Variants in NBR1 observed in about 807,000 individuals in gnomAD.
The protein encoded by NBR1 is NBR1 autophagy cargo receptor.
A neutral mutation model predicts 115.5 loss-of-function variants in NBR1; 59 were observed. The ratio of observed to expected loss-of-function variants is 0.51; its 90% CI spans 0.41 to 0.63. The LOEUF is 0.63. Ranked by LOEUF, NBR1 falls within the 30% of genes least tolerant of loss-of-function variation. The pLI, the probability that NBR1 is intolerant of heterozygous loss-of-function variation, is 0.00. For missense variants in NBR1, 1,043 were observed against 1,150.5 expected (o/e 0.91, Z 1.35); for synonymous variants, 373 against 414.7 (o/e 0.90, Z 1.22).
Position 43,194,997 on chromosome 17 carries a change from A to G in NBR1, c.1708A>G (p.Ile570Val). The G allele has an allele frequency of 2.5e-6, 4 of 1,613,754 alleles. No homozygotes were observed. The highest frequency in any genetic ancestry group is 1.3e-5 in the African/African-American group (1 of 75,026). ...LLSFELLDIN[I>V]VQELERVPHN... is the part of the protein sequence containing the mutation. ...GTCCTTTGAGCTGTTGGATATAAAC[A>G]TTGTTCAAGAGTTGGAGAGAGTGCC... The change falls in exon 14 of 21, where the codon ATT (isoleucine) becomes GTT (valine). Residue 570 changes from isoleucine to valine, a missense_variant. Coordinates refer to ENST00000590996, the MANE Select transcript of NBR1 (RefSeq NM_005899.5).
rs146913860 is a variant in NBR1, at chr17:43,210,457, A to G, written c.*383A>G. 7 of 397,248 alleles carry G rather than the reference A, an allele frequency of 1.8e-5. No homozygotes were observed. Among genetic ancestry groups the G allele is most frequent in the African/African-American group, 1.2e-4 (6 of 48,712 alleles). The allele number at this position is 397,248 out of a possible 1,614,324, so 24.6% of individuals were successfully genotyped here. On this transcript the variant is annotated 3_prime_UTR_variant, in exon 21 of 21. Coordinates refer to ENST00000590996, the MANE Select transcript of NBR1 (RefSeq NM_005899.5). ...TATCTGTTAATTTTCAGGTTTTGAA[A>G]GACATTAACCTCGGAAGTTGTTTTT...
intron 12 of NBR1, 91 bp from the exon 13 acceptor site, chr17:43,194,259 C>T: frequency 2.6e-6 from 3 of 1,146,208 alleles, no homozygotes; most frequent in Non-Finnish European, 1.2e-6. Context: ...TATGGAGGTA[C>T]AGCAGCGTTT....
chr17:43,188,435 C>A lies in NBR1; in HGVS notation c.403-607C>A, dbSNP rs529291313. ...TGCCCGTTCACTCTGATGATAGTTT[C>A]TTTTGCTGTGCAGAAGCTCTTTAGT... On this transcript the variant is annotated intron_variant, in intron 6 of 20. Coordinates refer to ENST00000590996, the MANE Select transcript of NBR1 (RefSeq NM_005899.5). Among the ~76,000 whole-genome samples, 94 of 152,230 alleles carry A rather than the reference C, an allele frequency of 6.2e-4. 1 individual carries two copies. The highest frequency in any genetic ancestry group is 2.2e-3 in the African/African-American group (93 of 41,550).
At chr17:43,197,255 C>G (rs1598001744) in intron 16 of NBR1, 149 bp downstream of exon 16, 1 of 816,342 alleles carries the variant, frequency 1.2e-6, no homozygotes, top group Non-Finnish European at 1.9e-6. Flanking sequence ...CGTGGTGGCT[C>G]AAGCCTGTAA....
At chr17:43,187,886 C>CTT (rs66857389) in intron 6 of NBR1, among the ~76,000 whole-genome samples, 204 of 58,904 alleles carry the variant, frequency 3.5e-3, no homozygotes, top group African/African-American at 6.6e-3. Context: ...TTGCATTTCT[C>CTT]TTTTTTTTTT....
At chr17:43,193,022 C>A in intron 10 of NBR1, 72 bp from the exon 11 acceptor site, 2 of 1,475,888 alleles carry the variant, frequency 1.4e-6, no homozygotes, top group Non-Finnish European at 9.3e-7. Context: ...GTCAGACTCT[C>A]AAGCTAGTGT....
At chr17:43,202,541 ACTTC>A in intron 18 of NBR1, 110 bp from the exon 19 acceptor site, 2 of 612,182 alleles carry the variant, frequency 3.3e-6, no homozygotes, top group African/African-American at 1.9e-5. Context: ...AAAAAAAAAG[ACTTC>A]AAACACTGTG....
chr17:43,189,569 C>T lies in NBR1; in HGVS notation c.481-19C>T. 6.3e-7 allele frequency: 1 copy of T among 1,594,746 alleles called. No individual in the cohort carries two copies. The highest frequency in any genetic ancestry group is 1.1e-5 in the South Asian group (1 of 90,612). On this transcript the variant is annotated intron_variant, in intron 7 of 20. Transcript: ENST00000590996. ...TATTGGAACTGAGTTTTTTCCCTAC[C>T]TTCTGCTCCATATTCTAGTTCAGAG...
chr17:43,176,655 C>A (rs1202537565), intron 2 of NBR1: 2 of 150,642 alleles, frequency 1.3e-5, no homozygotes, highest in African/African-American at 4.9e-5. Flanking sequence ...GACAGTGAGA[C>A]CCGTCTCAAA....
intron 1 of NBR1, among the ~76,000 whole-genome samples, chr17:43,174,095 C>T (rs1238266727): frequency 6.6e-6 from 1 of 151,888 alleles, no homozygotes; most frequent in Non-Finnish European, 1.5e-5. Context: ...AAATTCTTAT[C>T]TTTTAGAGGT....
chr17:43,199,623 C>T (rs1346480782), intron 16 of NBR1, among the ~76,000 whole-genome samples: 3 of 152,070 alleles, frequency 2.0e-5, no homozygotes, highest in Admixed American at 6.6e-5. Context: ...GATCTGCCCA[C>T]GTTGGCCTCC....
At chr17:43,178,106 T>C (rs942376703) in intron 3 of NBR1, 108 bp downstream of exon 3, 2 of 1,331,980 alleles carry the variant, frequency 1.5e-6, no homozygotes, top group Non-Finnish European at 2.1e-6. Flanking sequence ...ATTTGTGTGG[T>C]GGTTTAAATA....
chr17:43,189,523 T>C, intron 7 of NBR1, 65 bp from the exon 8 acceptor site: 3 of 1,129,706 alleles, frequency 2.7e-6, no homozygotes, highest in Non-Finnish European at 4.0e-6. Flanking sequence ...GATCTATTGA[T>C]ATCTTCACAT....
At chr17:43,209,744 G>A in intron 20 of NBR1, 157 bp from the exon 21 acceptor site, 1 of 1,509,638 alleles carries the variant, frequency 6.6e-7, no homozygotes, top group Non-Finnish European at 8.8e-7. Flanking sequence ...TTGGTATCAA[G>A]TACACAGGAG....
intron 5 of NBR1, among the ~76,000 whole-genome samples, chr17:43,183,489 G>A (rs1387276243): frequency 6.7e-6 from 1 of 148,752 alleles, no homozygotes; most frequent in Non-Finnish European, 1.5e-5. Flanking sequence ...AAAGTGCTGG[G>A]ATTACAGGCA....
At chr17:43,205,869 C>T (rs1193682283) in intron 20 of NBR1, among the ~76,000 whole-genome samples, 2 of 120,292 alleles carry the variant, frequency 1.7e-5, no homozygotes, top group African/African-American at 6.4e-5. Context: ...CAGAGTGAGA[C>T]CATGTCTCAA....
At position 43,210,668 on chromosome 17, in the gene NBR1, T is replaced by G; in HGVS notation, c.*594T>G. On this transcript the variant is annotated 3_prime_UTR_variant, in exon 21 of 21. Coordinates refer to ENST00000590996, the MANE Select transcript of NBR1 (RefSeq NM_005899.5). Reference sequence around the variant, plus strand: ...CCGTTGCTTTCTAAAGACTCCATGGTGCATTCAAGAGTATCCAACTTCAAG... The same window carrying G: ...CCGTTGCTTTCTAAAGACTCCATGGGGCATTCAAGAGTATCCAACTTCAAG... The G allele has an allele frequency of 2.5e-6, 1 of 398,516 alleles. No individual in the cohort carries two copies. Among genetic ancestry groups the G allele is most frequent in the Non-Finnish European group, 4.4e-6 (1 of 226,036 alleles). The allele number at this position is 398,516 out of a possible 1,614,324, so 24.7% of individuals were successfully genotyped here.
At chr17:43,170,594 TG>T (rs1316031644), upstream of NBR1, 1 of 152,858 alleles carries the variant, frequency 6.5e-6, no homozygotes, top group African/African-American at 2.4e-5. Flanking sequence ...TCCGCCCTAA[TG>T]GAGGTCTCCA....
intron 5 of NBR1, among the ~76,000 whole-genome samples, chr17:43,181,189 G>A (rs1395890298): frequency 6.6e-6 from 1 of 152,140 alleles, no homozygotes; most frequent in Non-Finnish European, 1.5e-5. Context: ...TTTATTGACT[G>A]AAACTCAAAC....
Sources: gnomAD v4.1 joint callset for allele counts (sites outside exome capture counted in the v4.1 genomes callset) on GRCh38, gnomAD v4.1.1 for gene constraint, MANE v1.5 for transcripts, NCBI Gene and HGNC (gene_info 2026-07-23, HGNC 2026-07-21) for gene names.